Variants in RHBDL3 observed in about 807,000 individuals in gnomAD.
RHBDL3 encodes rhomboid-related protein 3.
Under a neutral mutation model 48.2 loss-of-function variants are expected in RHBDL3, and 28 were observed. The observed-to-expected ratio is 0.58, with a 90% CI of 0.43 to 0.80. The LOEUF (loss-of-function observed/expected upper bound fraction) is 0.80. Among genes scored for constraint, RHBDL3 ranks in the 30% least tolerant of loss-of-function variants. The pLI is 0.00. For missense variants in RHBDL3, 464 were observed against 542.7 expected (o/e 0.85, Z 1.44); for synonymous variants, 208 against 232.3 (o/e 0.90, Z 0.95).
rs1405426121 is a variant in RHBDL3 at position 32,266,153 on chromosome 17, C to T, written c.-37C>T. ...GTTAGCCCGGCGCCCCGGGACGAGC[C>T]CCGCAGCCGCCGCCGCCCCCGGACC... is the stretch of plus-strand genomic sequence containing the variant. On this transcript the variant is annotated 5_prime_UTR_variant, in exon 1 of 9. Transcript: ENST00000269051. 1.1e-6 allele frequency: 1 copy of T among 883,662 alleles called. No individual in the cohort carries two copies. The highest frequency in any genetic ancestry group is 4.9e-5 in the Admixed American group (1 of 20,460). 54.7% of individuals were successfully genotyped at this position (883,662 alleles called of 1,614,324 possible).
intron 6 of RHBDL3, among the ~76,000 whole-genome samples, chr17:32,299,833 G>A (rs1264157009): frequency 2.6e-5 from 4 of 152,194 alleles, no homozygotes; most frequent in Non-Finnish European, 4.4e-5. Context: ...TTCTGTCTGA[G>A]TCAGTGATTA....
chr17:32,281,335 C>A (rs1319377103), intron 2 of RHBDL3, among the ~76,000 whole-genome samples: 1 of 152,072 alleles, frequency 6.6e-6, no homozygotes, highest in East Asian at 1.9e-4. Flanking sequence ...ACCCCCACTG[C>A]ACCCCCACCC....
In RHBDL3 at chr17:32,321,068, A is replaced by G; in HGVS notation, c.1054A>G (p.Thr352Ala). The change falls in exon 9 of 9, where the codon ACC becomes GCC. Residue 352 changes from threonine (T) to alanine (A), a missense_variant. By Grantham distance (58) the Thr-to-Ala change is moderately conservative. Coordinates refer to ENST00000269051, the MANE Select transcript of RHBDL3 (RefSeq NM_138328.3). ...CTTGGGTGGCGTGGCCGTGGGCATC[A>G]CCCTGGGCGTGGTGGTCCTGAGGAA... is the stretch of plus-strand genomic sequence containing the variant. ...AHLGGVAVGI[T>A]LGVVVLRNYE... 6.2e-7 allele frequency: 1 copy of G among 1,614,180 alleles called. No individual in the cohort carries two copies. The highest frequency in any genetic ancestry group is 8.5e-7 in the Non-Finnish European group (1 of 1,180,014).
In RHBDL3 at chr17:32,266,112, G is replaced by C. The variant is rs1269988680; in HGVS notation, c.-78G>C. ...CGCACTGAGCCCCTGGAGCGGCGCG[G>C]CCGCCGCGGCGCAAAGTTAGCCCGG... On this transcript the variant is annotated 5_prime_UTR_variant, in exon 1 of 9. Coordinates refer to ENST00000269051, the MANE Select transcript of RHBDL3 (RefSeq NM_138328.3). 1 of 385,496 alleles carries C rather than the reference G, an allele frequency of 2.6e-6. No homozygotes were observed. Among genetic ancestry groups the C allele is most frequent in the African/African-American group, 2.2e-5 (1 of 45,336 alleles). The allele number at this position is 385,496 out of a possible 1,614,324, so 23.9% of individuals were successfully genotyped here.
intron 3 of RHBDL3, among the ~76,000 whole-genome samples, chr17:32,286,778 G>T (rs1381602578): frequency 6.6e-6 from 1 of 152,214 alleles, no homozygotes; most frequent in Non-Finnish European, 1.5e-5. Flanking sequence ...GGGTAGTCGT[G>T]TATGAGTGTG....
In RHBDL3 at chr17:32,267,943, C is replaced by A. The variant is rs772250903; in HGVS notation, c.135+18C>A. 2.5e-6 allele frequency: 4 copies of A among 1,578,710 alleles called. No individual in the cohort carries two copies. The highest frequency in any genetic ancestry group is 1.7e-5 in the Admixed American group (1 of 59,930). ...TTGATCAGGTATGTGAGCAGTTAAC[C>A]CCCCATTTCCTTCCAGCCCTCCCTG... On this transcript the variant is annotated intron_variant, in intron 2 of 8. Transcript: ENST00000269051.
At chr17:32,291,420 G>A (rs2150719664) in intron 4 of RHBDL3, among the ~76,000 whole-genome samples, 1 of 152,014 alleles carries the variant, frequency 6.6e-6, no homozygotes, top group South Asian at 2.1e-4. Flanking sequence ...AGTGGCTCAC[G>A]CCTGTAATTC....
rs1442809846 is a variant in RHBDL3 at position 32,321,064 on chromosome 17, C to T, written c.1050C>T (p.Gly350=). The T allele has an allele frequency of 6.2e-7, 1 of 1,614,198 alleles. No individual in the cohort carries two copies. Among genetic ancestry groups the T allele is most frequent in the Non-Finnish European group, 8.5e-7 (1 of 1,179,990 alleles). Residue 350 remains glycine (G), a synonymous_variant, in exon 9 of 9, where the codon GGC becomes GGT. Transcript: ENST00000269051. ...FVAHLGGVAV[G]ITLGVVVLRN... ...CGCACTTGGGTGGCGTGGCCGTGGG[C>T]ATCACCCTGGGCGTGGTGGTCCTGA...
intron 6 of RHBDL3, among the ~76,000 whole-genome samples, chr17:32,300,786 A>T (rs1051885794): frequency 1.3e-5 from 2 of 152,116 alleles, no homozygotes; most frequent in Admixed American, 1.3e-4. Flanking sequence ...CCCATTTTAC[A>T]GGCAGCCCAG....
chr17:32,296,331 CT>C (rs5819975), intron 5 of RHBDL3, among the ~76,000 whole-genome samples: 343 of 83,788 alleles, frequency 4.1e-3, no homozygotes, highest in Middle Eastern at 0.01. Flanking sequence ...GAATAGGTCT[CT>C]TTTTTTTTTT....
At chr17:32,280,184 G>A (rs2040009875) in intron 2 of RHBDL3, among the ~76,000 whole-genome samples, 1 of 152,180 alleles carries the variant, frequency 6.6e-6, no homozygotes, top group Non-Finnish European at 1.5e-5. Flanking sequence ...GACGCTCCCA[G>A]GCTCCTGGCT....
chr17:32,299,184 G>A lies in RHBDL3; in HGVS notation c.781+980G>A, dbSNP rs77066047. 1.0e-3 allele frequency among the ~76,000 whole-genome samples: 156 copies of A among 152,116 alleles called. No individual in the cohort carries two copies. The East Asian group carries it at 0.018, about 17-fold the overall frequency. On this transcript the variant is annotated intron_variant, in intron 6 of 8. Transcript: ENST00000269051. ...TATTAAAGTTGTCATCAGGAGAGCC[G>A]GGCAGCGTCAGCCTTGTAAACAACA...
In RHBDL3 at chr17:32,321,209, A is replaced by G; in HGVS notation, c.1195A>G (p.Lys399Glu). Reference sequence around the variant, plus strand: ...CTTTGCCTACACCCTGCTGGACTTAAAGCTGCCGCCTCCCCCCTGAGGGCT... The same window carrying G: ...CTTTGCCTACACCCTGCTGGACTTAGAGCTGCCGCCTCCCCCCTGAGGGCT... ...NIFAYTLLDL[K>E]LPPPP is the part of the protein sequence containing the mutation. The change falls in exon 9 of 9, where the codon AAG becomes GAG. Residue 399 changes from lysine (K) to glutamate (E), a missense_variant. By Grantham distance (56) the Lys-to-Glu change is moderately conservative. Coordinates refer to ENST00000269051, the MANE Select transcript of RHBDL3 (RefSeq NM_138328.3). 1 of 1,614,126 alleles carries G rather than the reference A, an allele frequency of 6.2e-7. No homozygotes were observed. The highest frequency in any genetic ancestry group is 8.5e-7 in the Non-Finnish European group (1 of 1,180,010).
Position 32,288,783 on chromosome 17 carries a change from C to T in RHBDL3, c.295-9C>T. On this transcript the variant is annotated splice_polypyrimidine_tract_variant and intron_variant, in intron 3 of 8. Transcript: ENST00000269051. ...CTCTGACCCTCTCCCCACTCCATTT[C>T]CTGCACAGATGAGCAACAAGCGTTC... The T allele has an allele frequency of 6.2e-7, 1 of 1,603,714 alleles. No homozygotes were observed. The highest frequency in any genetic ancestry group is 1.1e-5 in the South Asian group (1 of 90,146).
At chr17:32,277,987 GAACACAC>G (rs1157277407) in intron 2 of RHBDL3, among the ~76,000 whole-genome samples, 1 of 152,152 alleles carries the variant, frequency 6.6e-6, no homozygotes, top group Non-Finnish European at 1.5e-5. Flanking sequence ...GTATTCCACA[GAACACAC>G]ATTGGGAAAC....
chr17:32,270,001 C>T (rs1350416104), intron 2 of RHBDL3, among the ~76,000 whole-genome samples: 1 of 151,934 alleles, frequency 6.6e-6, no homozygotes, highest in Non-Finnish European at 1.5e-5. Context: ...CATACCCCTG[C>T]TTCTGGGAGG....
intron 2 of RHBDL3, among the ~76,000 whole-genome samples, chr17:32,283,373 G>C (rs1353350325): frequency 2.1e-5 from 3 of 142,214 alleles, no homozygotes; most frequent in Non-Finnish European, 4.5e-5. Flanking sequence ...CCAGGCTGGA[G>C]TGCAGTGGCG....
intron 2 of RHBDL3, 199 bp from the exon 3 acceptor site, chr17:32,284,460 C>T: frequency 1.8e-6 from 1 of 544,578 alleles, no homozygotes; most frequent in Non-Finnish European, 3.3e-6. Context: ...ATTGGGTGAT[C>T]CTGAAGGTCT....
intron 2 of RHBDL3, among the ~76,000 whole-genome samples, chr17:32,274,040 C>T (rs2039837163): frequency 6.6e-6 from 1 of 152,210 alleles, no homozygotes; most frequent in South Asian, 2.1e-4. Flanking sequence ...CTGGCCAGAC[C>T]TCGGTCTTGA....
Sources: allele counts gnomAD v4.1 joint callset (sites outside exome capture counted in the v4.1 genomes callset), GRCh38; gene constraint gnomAD v4.1.1; transcripts MANE v1.5; gene names NCBI Gene and HGNC (gene_info 2026-07-23, HGNC 2026-07-21).